TANC1: variants seen among roughly 807,000 people sequenced by gnomAD.
TANC1 encodes protein TANC1.
A neutral mutation model predicts 149.7 loss-of-function variants in TANC1; 77 were observed. The ratio of observed to expected loss-of-function variants is 0.51; its 90% CI spans 0.43 to 0.62. TANC1 has a LOEUF of 0.62. Among genes scored for constraint, TANC1 ranks in the 20% least tolerant of loss-of-function variants. The probability of loss-of-function intolerance (pLI) is 0.00; values close to 1 mark genes in which losing one functional copy is unlikely to be tolerated. For synonymous variants in TANC1, 854 were observed against 925.0 expected, an observed-to-expected ratio of 0.92 and a Z score of 1.39; for missense variants, 1,985 against 2,321.8, an observed-to-expected ratio of 0.85 and a Z score of 2.98.
At chr2:159,080,285 C>T (rs1413776898) in intron 3 of TANC1, among the ~76,000 whole-genome samples, 3 of 151,914 alleles carry the variant, frequency 2.0e-5, no homozygotes, top group Non-Finnish European at 2.9e-5. Context: ...GGTTTCCCTA[C>T]CAGTCAGGCT....
At chr2:159,142,162 T>C (rs925157498) in intron 5 of TANC1, among the ~76,000 whole-genome samples, 2 of 152,232 alleles carry the variant, frequency 1.3e-5, no homozygotes, top group Non-Finnish European at 2.9e-5. Context: ...TGTGCAGCTG[T>C]GGTTTTTATT....
At chr2:159,185,712 T>C in intron 14 of TANC1, 79 bp from the exon 15 acceptor site, 2 of 902,400 alleles carry the variant, frequency 2.2e-6, no homozygotes, top group Admixed American at 2.1e-5. Context: ...ACTAAGGCAA[T>C]GGGTGGTGAA....
chr2:159,183,625 G>A (rs1415731365), intron 14 of TANC1, among the ~76,000 whole-genome samples: 1 of 152,230 alleles, frequency 6.6e-6, no homozygotes, highest in East Asian at 1.9e-4. Context: ...TGAGAGGAGA[G>A]AGAGGAGGGA....
At chr2:159,063,311 GTAC>G (rs2042400403) in intron 2 of TANC1, among the ~76,000 whole-genome samples, 1 of 152,182 alleles carries the variant, frequency 6.6e-6, no homozygotes, top group African/African-American at 2.4e-5. Flanking sequence ...TCTCTGGAGT[GTAC>G]TGTCATTATT....
intron 2 of TANC1, among the ~76,000 whole-genome samples, chr2:159,016,367 G>A (rs533995134): frequency 2.0e-5 from 3 of 152,256 alleles, no homozygotes; most frequent in Non-Finnish European, 4.4e-5. Flanking sequence ...CAACACGTGG[G>A]AATTATGGGA....
intron 4 of TANC1, among the ~76,000 whole-genome samples, chr2:159,102,613 C>T (rs1185301318): frequency 4.7e-5 from 6 of 126,964 alleles, no homozygotes; most frequent in African/African-American, 1.2e-4. Flanking sequence ...TATTTTATCA[C>T]GAGCAATTTC....
intron 7 of TANC1, among the ~76,000 whole-genome samples, chr2:159,151,254 G>A (rs749266360): frequency 1.3e-5 from 2 of 152,214 alleles, no homozygotes; most frequent in South Asian, 4.1e-4. Flanking sequence ...AATCATCCAT[G>A]GAATTTAAGA....
intron 2 of TANC1, among the ~76,000 whole-genome samples, chr2:159,019,285 T>C (rs1212247780): frequency 6.6e-6 from 1 of 152,194 alleles, no homozygotes; most frequent in East Asian, 1.9e-4. Flanking sequence ...CAGCCAGCGA[T>C]CTTCAGCCCG....
At chr2:159,093,356 T>C (rs1214903169) in intron 3 of TANC1, among the ~76,000 whole-genome samples, 2 of 152,256 alleles carry the variant, frequency 1.3e-5, no homozygotes. Flanking sequence ...CTTAAATGTC[T>C]TTAAGCTTCT....
intron 14 of TANC1, among the ~76,000 whole-genome samples, chr2:159,182,737 G>A (rs1049229484): frequency 6.6e-6 from 1 of 152,138 alleles, no homozygotes; most frequent in South Asian, 2.1e-4. Context: ...TTAGTAGGTG[G>A]TGGTGAGTAC....
chr2:159,038,104 T>A (rs1420605539), intron 2 of TANC1, among the ~76,000 whole-genome samples: 3 of 152,188 alleles, frequency 2.0e-5, no homozygotes, highest in African/African-American at 7.2e-5. Flanking sequence ...GGTATTTTAT[T>A]CTCTTTGTAG....
intron 16 of TANC1, among the ~76,000 whole-genome samples, chr2:159,192,925 C>G (rs1361639585): frequency 1.3e-5 from 2 of 152,222 alleles, no homozygotes. Context: ...GGTGGGATTA[C>G]AGGCATGAGC....
At chr2:159,035,959 C>T (rs542767420) in intron 2 of TANC1, among the ~76,000 whole-genome samples, 5 of 152,298 alleles carry the variant, frequency 3.3e-5, no homozygotes, top group South Asian at 4.1e-4. Context: ...GTGGGTCCTC[C>T]GGACAGAGGG....
Position 159,050,444 on chromosome 2 carries a change from G to T in TANC1, c.-15-15452G>T, listed in dbSNP as rs149479806. ...AACAGCGTTGCAGTTTTGCCATTTA[G>T]CTTTAGGCCCCATGCTGTGTAACAG... On this transcript the variant is annotated intron_variant, in intron 2 of 26. Transcript: ENST00000263635. Among the ~76,000 whole-genome samples, 821 of 152,318 alleles carry T rather than the reference G, an allele frequency of 5.4e-3. 13 individuals are homozygous for T. The highest frequency in any genetic ancestry group is 0.018 in the African/African-American group (754 of 41,586).
intron 23 of TANC1, chr2:159,224,573 C>T: frequency 3.4e-6 from 2 of 591,260 alleles, no homozygotes; most frequent in South Asian, 4.3e-5. Context: ...AAAGCAGAGG[C>T]TGGTGTTGAA....
At position 158,977,144 on chromosome 2, in the gene TANC1, A is replaced by G. The variant is rs982710783; in HGVS notation, c.-126+8362A>G. On this transcript the variant is annotated intron_variant, in intron 1 of 26. Coordinates refer to ENST00000263635, the MANE Select transcript of TANC1 (RefSeq NM_033394.3). ...CTTCAATACGTTTTTAAAATTTTTT[A>G]CTTTTTATTTTTTTAGAGGGAGTCT... 7.2e-5 allele frequency among the ~76,000 whole-genome samples: 11 copies of G among 151,806 alleles called. No homozygotes were observed. The South Asian group carries it at 1.7e-3, about 23-fold the overall frequency.
chr2:159,051,651 TTGTG>T (rs58015346), intron 2 of TANC1, among the ~76,000 whole-genome samples: 1,649 of 142,838 alleles, frequency 0.012, 27 homozygotes, highest in African/African-American at 0.033. Flanking sequence ...GAAGTGGTGT[TTGTG>T]TGTGTGTGTG....
chr2:159,219,334 A>T lies in TANC1; in HGVS notation c.3475A>T (p.Ser1159Cys). Reference sequence around the variant, plus strand: ...GGTGGCTGCTTGTGAAGGGCACTTGAGCACCGTGGAATTCCTCCTTTCAAA... The same window carrying T: ...GGTGGCTGCTTGTGAAGGGCACTTGTGCACCGTGGAATTCCTCCTTTCAAA... Reference protein sequence around the residue: ...LMVAACEGHLSTVEFLLSKGA... With the variant: ...LMVAACEGHLCTVEFLLSKGA... The change falls in exon 21 of 27, where the codon AGC (serine) becomes TGC (cysteine). Residue 1159 changes from serine (S) to cysteine (C), a missense_variant. This residue lies in a region of TANC1 where 920 missense variants were observed against 994.7 expected (regional missense o/e 0.92). Transcript: ENST00000263635. The T allele has an allele frequency of 6.2e-7, 1 of 1,614,046 alleles. No individual in the cohort carries two copies.
rs75704636 is a variant in TANC1, at chr2:159,225,791, C to T, written c.3903+12C>T. On this transcript the variant is annotated intron_variant, in intron 24 of 26. Transcript: ENST00000263635. The stretch of plus-strand genomic sequence containing the variant: ...ATGTGATGTACAAAGTAAGTGGTTC[C>T]GCCCTTTTCTTTGCCATTGAAACTG... 1.5e-4 allele frequency: 248 copies of T among 1,602,980 alleles called. 1 individual carries two copies. In the East Asian group the frequency reaches 5.1e-3, roughly 33 times the overall value.
Sources: gnomAD v4.1 joint callset for allele counts (sites outside exome capture counted in the v4.1 genomes callset) on GRCh38, gnomAD v4.1.1 for gene constraint, gnomAD v4.1.1 regional missense constraint, MANE v1.5 for transcripts, NCBI Gene and HGNC (gene_info 2026-07-23, HGNC 2026-07-21) for gene names.